CNNM2: variants seen among roughly 807,000 people sequenced by gnomAD.
The protein encoded by CNNM2 is metal transporter CNNM2.
CNNM2 carries 12 observed loss-of-function variants against 66.9 expected under a neutral mutation model. The ratio of observed to expected loss-of-function variants is 0.18; its 90% CI spans 0.11 to 0.29. The LOEUF (loss-of-function observed/expected upper bound fraction) is 0.29, where lower values mean the gene tolerates loss of function less well. CNNM2 is among the 10% of genes least tolerant of loss of function. CNNM2 has a pLI of 1.00. For synonymous variants in CNNM2, 557 were observed against 501.8 expected, an observed-to-expected ratio of 1.11 and a Z score of -1.47; for missense variants, 705 against 1,167.7, an observed-to-expected ratio of 0.60 and a Z score of 5.77.
At chr10:103,020,143 T>A (rs1043986605) in intron 1 of CNNM2, among the ~76,000 whole-genome samples, 2 of 152,174 alleles carry the variant, frequency 1.3e-5, no homozygotes, top group Non-Finnish European at 2.9e-5. Flanking sequence ...GTTTTCAATC[T>A]TGCATTTTTG....
At chr10:102,940,283 T>C (rs751406108) in intron 1 of CNNM2, among the ~76,000 whole-genome samples, 1 of 151,652 alleles carries the variant, frequency 6.6e-6, no homozygotes, top group Non-Finnish European at 1.5e-5. Context: ...TCAAACATAA[T>C]TGATCTGTTT....
rs2065523355 is a variant in CNNM2 at position 103,068,777 on chromosome 10, C to T, written c.2167+55C>T. ...GGACCACGTGTTAGGAAGTAAGGCC[C>T]CTCTCCTTTCATCTTGCTTTCTGTA... On this transcript the variant is annotated intron_variant, in intron 5 of 7. Transcript: ENST00000369878. The T allele has an allele frequency of 1.7e-5, 23 of 1,355,964 alleles. No homozygotes were observed. In the South Asian group the frequency reaches 2.8e-4, roughly 16 times the overall value. 84.0% of individuals were successfully genotyped at this position (1,355,964 alleles called of 1,614,324 possible). A position where few individuals can be genotyped will look rare whatever the true frequency, so the allele number is the denominator to read the frequency against.
At chr10:103,016,879 G>A (rs1218871112) in intron 1 of CNNM2, among the ~76,000 whole-genome samples, 1 of 151,642 alleles carries the variant, frequency 6.6e-6, no homozygotes, top group African/African-American at 2.4e-5. Context: ...CCTGTTGTTT[G>A]TTTCTTCCTT....
chr10:103,026,638 G>GAAA (rs1350047764), intron 1 of CNNM2, among the ~76,000 whole-genome samples: 1 of 136,392 alleles, frequency 7.3e-6, no homozygotes, highest in African/African-American at 2.7e-5. Flanking sequence ...TTTGGAAACA[G>GAAA]AAATAACCAA....
chr10:103,054,485 A>G lies in CNNM2; in HGVS notation c.1903+19A>G. On this transcript the variant is annotated intron_variant, in intron 3 of 7. Coordinates refer to ENST00000369878, the MANE Select transcript of CNNM2 (RefSeq NM_017649.5). The surrounding 1 kb of genome is among the most constrained non-coding windows in gnomAD (Gnocchi z 5.2). Reference sequence around the variant, plus strand: ...GCAACAGGCAAGTGCAGCTTATCACAGTTTGAGATCTCTACCAACCCTGAA... The same window carrying G: ...GCAACAGGCAAGTGCAGCTTATCACGGTTTGAGATCTCTACCAACCCTGAA... The G allele has an allele frequency of 6.2e-7, 1 of 1,612,398 alleles. No homozygotes were observed. The highest frequency in any genetic ancestry group is 8.5e-7 in the Non-Finnish European group (1 of 1,178,948).
chr10:102,958,808 G>T (rs1284918133), intron 1 of CNNM2, among the ~76,000 whole-genome samples: 1 of 151,680 alleles, frequency 6.6e-6, no homozygotes, highest in African/African-American at 2.4e-5. Context: ...TTGTGCTTTG[G>T]TTTGTGATAG....
intron 1 of CNNM2, among the ~76,000 whole-genome samples, chr10:102,980,139 G>A (rs889526424): frequency 6.6e-6 from 1 of 151,690 alleles, no homozygotes; most frequent in African/African-American, 2.4e-5. Context: ...GGTCTCAGAC[G>A]CCATGTTGGC....
At chr10:102,981,907 CTCT>C (rs1486439404) in intron 1 of CNNM2, among the ~76,000 whole-genome samples, 3 of 151,742 alleles carry the variant, frequency 2.0e-5, no homozygotes, top group East Asian at 1.9e-4. Context: ...GGGTGACTGC[CTCT>C]TCTTCATTTG....
At chr10:103,000,151 G>A (rs1025148794) in intron 1 of CNNM2, among the ~76,000 whole-genome samples, 6 of 151,970 alleles carry the variant, frequency 3.9e-5, no homozygotes, top group Admixed American at 6.6e-5. Flanking sequence ...CAGGAGACTC[G>A]CTTGAACCTG....
At chr10:102,929,041 C>T (rs1845974161) in intron 1 of CNNM2, among the ~76,000 whole-genome samples, 1 of 151,742 alleles carries the variant, frequency 6.6e-6, no homozygotes, top group African/African-American at 2.4e-5. Context: ...GGGTGGATCA[C>T]TTGAGGTCAG....
chr10:102,918,423 T>A lies in CNNM2; in HGVS notation c.-58T>A. On this transcript the variant is annotated 5_prime_UTR_variant, in exon 1 of 8. Transcript: ENST00000369878. The surrounding 1 kb of genome is among the most constrained non-coding windows in gnomAD (Gnocchi z 4.1). ...CGTTGCAGTCTCGCCCAGGGGCCGG[T>A]ACCTGCGCTCGCGCCGCCGGGTTGA... The A allele has an allele frequency of 6.4e-7, 1 of 1,563,564 alleles. No homozygotes were observed. Among genetic ancestry groups the A allele is most frequent in the Non-Finnish European group, 8.6e-7 (1 of 1,161,204 alleles).
chr10:103,090,007 C>A lies in CNNM2; in HGVS notation c.*12827C>A. 1 of 876,140 alleles carries A rather than the reference C, an allele frequency of 1.1e-6. No individual in the cohort carries two copies. Among genetic ancestry groups the A allele is most frequent in the Non-Finnish European group, 1.7e-6 (1 of 582,016 alleles). The allele number at this position is 876,140 out of a possible 1,614,324, so 54.3% of individuals were successfully genotyped here. ...CCTCTGTTAGGTGGCCATGCAATTACATCTATAATGGACCACAGGACAAGT... is the reference window on the plus strand; with the variant it reads ...CCTCTGTTAGGTGGCCATGCAATTAAATCTATAATGGACCACAGGACAAGT... On this transcript the variant is annotated 3_prime_UTR_variant, in exon 8 of 8. Transcript: ENST00000369878.
chr10:103,023,816 T>C (rs535167115), intron 1 of CNNM2, among the ~76,000 whole-genome samples: 1 of 152,316 alleles, frequency 6.6e-6, no homozygotes, highest in Admixed American at 6.5e-5. Flanking sequence ...TTTGCAATCA[T>C]TTGACAAACT....
In CNNM2 at chr10:102,984,855, C is replaced by T. The variant is rs112702682; in HGVS notation, c.1621+64754C>T. ...AGAGGTGGTGTTTCACCATGTTGGCCAGGCTGGTCTCTAACTCCTGACCTC... is the reference window on the plus strand; with the variant it reads ...AGAGGTGGTGTTTCACCATGTTGGCTAGGCTGGTCTCTAACTCCTGACCTC... On this transcript the variant is annotated intron_variant, in intron 1 of 7. Transcript: ENST00000369878. Among the ~76,000 whole-genome samples the T allele has an allele frequency of 0.015, 2,250 of 152,170 alleles. 55 individuals are homozygous for T. The highest frequency in any genetic ancestry group is 0.051 in the African/African-American group (2,096 of 41,492).
chr10:103,068,693 A>G lies in CNNM2; in HGVS notation c.2138A>G (p.Tyr713Cys). 1 of 1,613,026 alleles carries G rather than the reference A, an allele frequency of 6.2e-7. No homozygotes were observed. Among genetic ancestry groups the G allele is most frequent in the Non-Finnish European group, 8.5e-7 (1 of 1,179,562 alleles). ...TTTGAAGCGAGCGCCTTCTCATACT[A>G]TGGCGTGATGGCCCTGACAGCCTCT... ...MKFEASAFSY[Y>C]GVMALTASPV... The change falls in exon 5 of 8, where the codon TAT becomes TGT. Residue 713 changes from tyrosine to cysteine, a missense_variant. Around this residue, in one of 9 missense-constraint regions of CNNM2, gnomAD observed 194 missense variants for 227.6 expected, o/e 0.85. Transcript: ENST00000369878.
chr10:103,075,041 A>C (rs747014175), intron 6 of CNNM2, among the ~76,000 whole-genome samples: 3 of 152,158 alleles, frequency 2.0e-5, no homozygotes, highest in Non-Finnish European at 4.4e-5. Flanking sequence ...AAAGGTACTA[A>C]AGCTCCACAC....
rs1332967903 is a variant in CNNM2 at position 103,083,545 on chromosome 10, C to T, written c.*6365C>T. ...TCAGCATGACAACATAGAAGAGCATCTTCTTTGGACAGTGTAAAGTCTTAA... is the reference window on the plus strand; with the variant it reads ...TCAGCATGACAACATAGAAGAGCATTTTCTTTGGACAGTGTAAAGTCTTAA... On this transcript the variant is annotated 3_prime_UTR_variant, in exon 8 of 8. Coordinates refer to ENST00000369878, the MANE Select transcript of CNNM2 (RefSeq NM_017649.5). The T allele has an allele frequency of 6.6e-6, 1 of 152,182 alleles. No homozygotes were observed. The highest frequency in any genetic ancestry group is 6.5e-5 in the Admixed American group (1 of 15,274). 9.4% of individuals were successfully genotyped at this position (152,182 alleles called of 1,614,324 possible).
chr10:102,957,162 A>T (rs1847072377), intron 1 of CNNM2, among the ~76,000 whole-genome samples: 1 of 151,892 alleles, frequency 6.6e-6, no homozygotes, highest in African/African-American at 2.4e-5. Flanking sequence ...AAAATTAGCC[A>T]GGCATGGTGG....
intron 1 of CNNM2, among the ~76,000 whole-genome samples, chr10:102,982,489 G>A (rs530020651): frequency 3.9e-5 from 6 of 152,302 alleles, no homozygotes; most frequent in East Asian, 1.9e-4. Context: ...CAAGGATTTG[G>A]CAGAGAAGAG....
Sources: gnomAD v4.1 joint callset for allele counts (sites outside exome capture counted in the v4.1 genomes callset) on GRCh38, gnomAD v4.1.1 for gene constraint, gnomAD v4.1.1 regional missense constraint, Gnocchi (gnomAD v3.1) non-coding constraint, MANE v1.5 for transcripts, NCBI Gene and HGNC (gene_info 2026-07-23, HGNC 2026-07-21) for gene names.